SMAD6: variants seen among roughly 807,000 people sequenced by gnomAD.
The protein encoded by SMAD6 is MAD homolog 6.
A neutral mutation model predicts 39.4 loss-of-function variants in SMAD6; 103 were observed. The ratio of observed to expected loss-of-function variants is 2.62; its 90% CI spans 2.23 to 3.08. The LOEUF (loss-of-function observed/expected upper bound fraction) is 3.08, where lower values mean the gene tolerates loss of function less well. Among genes scored for constraint, SMAD6 ranks in the 30% most tolerant of loss-of-function variants. SMAD6 has a pLI of 0.00. For synonymous variants in SMAD6, 445 were observed against 353.3 expected, an observed-to-expected ratio of 1.26 and a Z score of -2.91; for missense variants, 1,104 against 742.9, an observed-to-expected ratio of 1.49 and a Z score of -5.65.
chr15:66,703,958 G>A lies in SMAD6; in HGVS notation c.700G>A (p.Asp234Asn). 9.0e-6 allele frequency: 13 copies of A among 1,436,804 alleles called. No individual in the cohort carries two copies. The highest frequency in any genetic ancestry group is 1.1e-5 in the Non-Finnish European group (12 of 1,095,500). 89.0% of individuals were successfully genotyped at this position (1,436,804 alleles called of 1,614,324 possible). A position where few individuals can be genotyped will look rare whatever the true frequency, so the allele number is the denominator to read the frequency against. ...GCTCGGCCGCCTCTTTCGCTGGCCC[G>A]ACCTGCAGCACGCCGTGGAGCTGAA... Reference protein sequence around the residue: ...LLLGRLFRWPDLQHAVELKPL... With the variant: ...LLLGRLFRWPNLQHAVELKPL... Residue 234 changes from aspartate to asparagine, a missense_variant, in exon 1 of 4, where the codon GAC becomes AAC. Asp to Asn is a conservative substitution (Grantham distance 23). Transcript: ENST00000288840.
chr15:66,769,242 TCA>T (rs987383729), intron 3 of SMAD6, among the ~76,000 whole-genome samples: 7 of 152,290 alleles, frequency 4.6e-5, no homozygotes, highest in African/African-American at 1.7e-4. Context: ...GGGCTGCTGC[TCA>T]CAGAGGTCTC....
chr15:66,781,254 A>C lies in SMAD6; in HGVS notation c.1210A>C (p.Asn404His). 3 of 1,608,162 alleles carry C rather than the reference A, an allele frequency of 1.9e-6. No homozygotes were observed. The highest frequency in any genetic ancestry group is 1.7e-5 in the Admixed American group (1 of 59,964). The change falls in exon 4 of 4, where the codon AAC (asparagine) becomes CAC (histidine). Residue 404 changes from asparagine (N) to histidine (H), a missense_variant. Coordinates refer to ENST00000288840, the MANE Select transcript of SMAD6 (RefSeq NM_005585.5). ...SKEPDGVWAYNRGEHPIFVNS... is the reference protein window; with the variant it reads ...SKEPDGVWAYHRGEHPIFVNS... ...GGAGCCCGACGGCGTGTGGGCCTAC[A>C]ACCGCGGCGAGCACCCCATCTTCGT... is the stretch of plus-strand genomic sequence containing the variant.
chr15:66,771,245 A>G (rs985927132), intron 3 of SMAD6, among the ~76,000 whole-genome samples: 32 of 152,332 alleles, frequency 2.1e-4, no homozygotes, highest in East Asian at 3.9e-4. Context: ...GAAACGGTCT[A>G]TGGAGGAGAC....
chr15:66,743,158 C>T (rs781004697), intron 3 of SMAD6, among the ~76,000 whole-genome samples: 2 of 152,168 alleles, frequency 1.3e-5, no homozygotes, highest in Non-Finnish European at 2.9e-5. Context: ...GAGACCCCTC[C>T]GGTACCTTTT....
intron 3 of SMAD6, among the ~76,000 whole-genome samples, chr15:66,734,340 C>T (rs1366295732): frequency 1.3e-5 from 2 of 152,172 alleles, no homozygotes; most frequent in Non-Finnish European, 2.9e-5. Context: ...CACTGGAACG[C>T]ATTAATGCTC....
At chr15:66,714,374 T>G (rs1225218912) in intron 2 of SMAD6, among the ~76,000 whole-genome samples, 1 of 150,452 alleles carries the variant, frequency 6.6e-6, no homozygotes, top group Non-Finnish European at 1.5e-5. Context: ...TGGCCTTTAT[T>G]TTTGAAGTGG....
intron 3 of SMAD6, among the ~76,000 whole-genome samples, chr15:66,742,217 C>T (rs1413111383): frequency 6.6e-6 from 1 of 152,146 alleles, no homozygotes; most frequent in East Asian, 1.9e-4. Context: ...CTGGAGAAGC[C>T]CCTCTCCCCT....
intron 1 of SMAD6, among the ~76,000 whole-genome samples, chr15:66,709,062 G>C (rs774180655): frequency 5.3e-5 from 8 of 152,218 alleles, no homozygotes; most frequent in Non-Finnish European, 1.0e-4. Context: ...TTTCATATCA[G>C]TGAAAAGAAG....
chr15:66,703,621 C>G lies in SMAD6; in HGVS notation c.363C>G (p.Cys121Trp). Residue 121 changes from cysteine (C) to tryptophan (W), a missense_variant, in exon 1 of 4, where the codon TGC becomes TGG. By Grantham distance (215) the Cys-to-Trp change is radical (BLOSUM62 -2). Coordinates refer to ENST00000288840, the MANE Select transcript of SMAD6 (RefSeq NM_005585.5). ...CGGGCTGGCTGCCCGAGAGTGACTG[C>G]GAGACGGTGACCTGCTGTCTCTTTT... ...GGPGWLPESD[C>W]ETVTCCLFSE... 1 of 1,230,806 alleles carries G rather than the reference C, an allele frequency of 8.1e-7. No individual in the cohort carries two copies. Among genetic ancestry groups the G allele is most frequent in the Non-Finnish European group, 1.0e-6 (1 of 984,522 alleles). The allele number at this position is 1,230,806 out of a possible 1,614,324, so 76.2% of individuals were successfully genotyped here.
chr15:66,781,074 G>C lies in SMAD6; in HGVS notation c.1030G>C (p.Gly344Arg), dbSNP rs750690651. Residue 344 changes from glycine (G) to arginine (R), a missense_variant, in exon 4 of 4, where the codon GGC becomes CGC. Physicochemically the swap from Gly to Arg is moderately radical, Grantham distance 125 (BLOSUM62 -2). Transcript: ENST00000288840. Reference protein sequence around the residue: ...VAYWEHRTRVGRLYAVYDQAV... With the variant: ...VAYWEHRTRVRRLYAVYDQAV... The stretch of plus-strand genomic sequence containing the variant: ...GTACTGGGAGCACCGGACGCGCGTG[G>C]GCCGCCTCTATGCGGTGTACGACCA... 1 of 1,605,932 alleles carries C rather than the reference G, an allele frequency of 6.2e-7. No homozygotes were observed. Among genetic ancestry groups the C allele is most frequent in the East Asian group, 2.2e-5 (1 of 44,710 alleles).
At chr15:66,777,784 G>T (rs1231015949) in intron 3 of SMAD6, among the ~76,000 whole-genome samples, 11 of 152,228 alleles carry the variant, frequency 7.2e-5, no homozygotes, top group Admixed American at 7.2e-4. Flanking sequence ...ACATGGCCAG[G>T]AGCGCAGGCC....
intron 1 of SMAD6, among the ~76,000 whole-genome samples, chr15:66,710,188 T>C (rs1893200550): frequency 6.6e-6 from 1 of 152,228 alleles, no homozygotes; most frequent in Admixed American, 6.5e-5. Flanking sequence ...TGTCATCTCA[T>C]TTAATTTTTG....
At chr15:66,707,148 G>A (rs1264453393) in intron 1 of SMAD6, 1 of 152,238 alleles carries the variant, frequency 6.6e-6, no homozygotes, top group Non-Finnish European at 1.5e-5. Context: ...GCTGAGCTCG[G>A]TGGGTGCCTA....
At chr15:66,735,313 C>G (rs1261341780) in intron 3 of SMAD6, among the ~76,000 whole-genome samples, 1 of 152,190 alleles carries the variant, frequency 6.6e-6, no homozygotes, top group Non-Finnish European at 1.5e-5. Context: ...ATGACTCTTT[C>G]CCCAACAAGA....
chr15:66,711,599 A>G (rs1461275428), intron 1 of SMAD6, 69 bp from the exon 2 acceptor site: 2 of 1,196,102 alleles, frequency 1.7e-6, no homozygotes, highest in Non-Finnish European at 2.5e-6. Flanking sequence ...ACCAGTAATT[A>G]AAAGCATGTA....
At chr15:66,760,803 C>A (rs1239914385) in intron 3 of SMAD6, among the ~76,000 whole-genome samples, 5 of 152,176 alleles carry the variant, frequency 3.3e-5, no homozygotes, top group South Asian at 2.1e-4. Context: ...TGGGACCAAC[C>A]ACGTCCGTCT....
intron 3 of SMAD6, among the ~76,000 whole-genome samples, chr15:66,726,532 A>G (rs574767085): frequency 2.0e-5 from 3 of 152,300 alleles, no homozygotes; most frequent in African/African-American, 7.2e-5. Context: ...CAGGCTCTTA[A>G]GTAGGCAGAC....
At chr15:66,774,503 G>A (rs909208573) in intron 3 of SMAD6, among the ~76,000 whole-genome samples, 1 of 152,178 alleles carries the variant, frequency 6.6e-6, no homozygotes, top group South Asian at 2.1e-4. Flanking sequence ...CCTCCTCCTC[G>A]GCGCAGACAG....
At chr15:66,717,391 C>A in intron 3 of SMAD6, 1 of 456,174 alleles carries the variant, frequency 2.2e-6, no homozygotes, top group South Asian at 1.5e-5. Context: ...TATGCTATGG[C>A]CGGCACTCCA....
Sources: gnomAD v4.1 joint callset for allele counts (sites outside exome capture counted in the v4.1 genomes callset) on GRCh38, gnomAD v4.1.1 for gene constraint, MANE v1.5 for transcripts, NCBI Gene and HGNC (gene_info 2026-07-23, HGNC 2026-07-21) for gene names.